Variants in DNAI7 observed in about 807,000 individuals in gnomAD.
DNAI7 encodes cancer susceptibility 1.
DNAI7 carries 78 observed loss-of-function variants against 86.6 expected under a neutral mutation model. That is an observed-to-expected ratio of 0.90 (90% confidence interval 0.75 to 1.09). The LOEUF (loss-of-function observed/expected upper bound fraction) is 1.09, where lower values mean the gene tolerates loss of function less well. Ranked by LOEUF, DNAI7 falls within the 50% of genes least tolerant of loss-of-function variation. DNAI7 has a pLI of 0.00. For synonymous variants in DNAI7, 274 were observed against 273.0 expected (o/e 1.00, Z -0.04); for missense variants, 753 against 810.2 (o/e 0.93, Z 0.86).
chr12:25,121,177 A>G (rs1941237865), intron 11 of DNAI7, among the ~76,000 whole-genome samples: 1 of 152,210 alleles, frequency 6.6e-6, no homozygotes, highest in Non-Finnish European at 1.5e-5. Flanking sequence ...CATTTCTAGC[A>G]AATTCCCAGA....
chr12:25,157,360 T>A (rs924570257), intron 4 of DNAI7, among the ~76,000 whole-genome samples: 3 of 152,064 alleles, frequency 2.0e-5, no homozygotes, highest in Non-Finnish European at 2.9e-5. Context: ...AAAATATTAC[T>A]TTTTTTCAAT....
chr12:25,128,701 G>T (rs112515483), intron 9 of DNAI7, among the ~76,000 whole-genome samples: 1,814 of 152,170 alleles, frequency 0.012, 34 homozygotes, highest in African/African-American at 0.042. Context: ...AACTCAGTAA[G>T]ATATATTTTA....
chr12:25,182,015 C>A (rs1398343962), intron 2 of DNAI7, among the ~76,000 whole-genome samples: 1 of 147,206 alleles, frequency 6.8e-6, no homozygotes, highest in Non-Finnish European at 1.5e-5. Context: ...TACTGGGTAT[C>A]TGCTGAAAAG....
intron 2 of DNAI7, among the ~76,000 whole-genome samples, chr12:25,171,247 A>T (rs1948097465): frequency 1.3e-5 from 2 of 152,226 alleles, no homozygotes; most frequent in South Asian, 4.1e-4. Context: ...CAAGAAAAGA[A>T]GATAGAAAAT....
chr12:25,147,186 G>A (rs1944963019), intron 7 of DNAI7, 82 bp from the exon 8 acceptor site: 1 of 719,348 alleles, frequency 1.4e-6, no homozygotes, highest in Middle Eastern at 2.4e-4. Context: ...TATCACTTAT[G>A]TGTTGGATTC....
chr12:25,157,360 T>C (rs924570257), intron 4 of DNAI7, among the ~76,000 whole-genome samples: 9 of 152,064 alleles, frequency 5.9e-5, no homozygotes. Context: ...AAAATATTAC[T>C]TTTTTTCAAT....
intron 14 of DNAI7, 68 bp downstream of exon 14, chr12:25,111,704 T>C (rs1199341119): frequency 2.2e-6 from 2 of 927,852 alleles, no homozygotes; most frequent in South Asian, 2.0e-5. Flanking sequence ...TATTAAATTA[T>C]ATAACATTTA....
rs990478744 is a variant in DNAI7 at position 25,173,827 on chromosome 12, T to G, written c.22-12630A>C. On this transcript the variant is annotated intron_variant, in intron 2 of 15. Coordinates refer to ENST00000395987, the MANE Select transcript of DNAI7 (RefSeq NM_018272.5). ...ACACATCATATATATACATCATATA[T>G]ATACCACATCATATATATATACATC... 2.1e-5 allele frequency among the ~76,000 whole-genome samples: 3 copies of G among 141,768 alleles called. No homozygotes were observed. The South Asian group carries it at 6.8e-4, about 32-fold the overall frequency. 93.0% of individuals were successfully genotyped at this position (141,768 alleles called of 152,430 possible).
At chr12:25,159,451 AAAGT>A (rs1277446292) in intron 3 of DNAI7, among the ~76,000 whole-genome samples, 3 of 152,114 alleles carry the variant, frequency 2.0e-5, no homozygotes, top group African/African-American at 7.2e-5. Context: ...AAAAAGAAAG[AAAGT>A]AACATGATTC....
At chr12:25,178,689 G>A (rs895043179) in intron 2 of DNAI7, among the ~76,000 whole-genome samples, 6 of 152,110 alleles carry the variant, frequency 3.9e-5, no homozygotes. Flanking sequence ...GGAGTGATAA[G>A]TGATATGGAA....
chr12:25,185,959 T>C (rs1364862857), intron 2 of DNAI7, among the ~76,000 whole-genome samples: 1 of 152,252 alleles, frequency 6.6e-6, no homozygotes. Flanking sequence ...GTTGTATTCC[T>C]AAACAGTAAT....
At chr12:25,160,288 C>T (rs1946691914) in intron 3 of DNAI7, among the ~76,000 whole-genome samples, 1 of 152,166 alleles carries the variant, frequency 6.6e-6, no homozygotes, top group Non-Finnish European at 1.5e-5. Flanking sequence ...GAACAATAAA[C>T]ATTTGTTGAA....
At chr12:25,111,506 A>C (rs971392734) in intron 14 of DNAI7, among the ~76,000 whole-genome samples, 1 of 152,196 alleles carries the variant, frequency 6.6e-6, no homozygotes, top group African/African-American at 2.4e-5. Context: ...AAGTATATAA[A>C]ATGAGAATTG....
At chr12:25,134,352 C>CTTTT (rs5797119) in intron 9 of DNAI7, among the ~76,000 whole-genome samples, 3,109 of 91,074 alleles carry the variant, frequency 0.034, 257 homozygotes, top group African/African-American at 0.039. Flanking sequence ...CCTTGGCGTA[C>CTTTT]TTTTTTTTTT....
chr12:25,145,198 T>A (rs1944675469), intron 8 of DNAI7, among the ~76,000 whole-genome samples: 1 of 152,134 alleles, frequency 6.6e-6, no homozygotes. Flanking sequence ...AATCTATGAC[T>A]CCCAAAAAGT....
At chr12:25,150,229 C>G (rs1945333652) in intron 6 of DNAI7, among the ~76,000 whole-genome samples, 1 of 152,078 alleles carries the variant, frequency 6.6e-6, no homozygotes, top group Non-Finnish European at 1.5e-5. Flanking sequence ...AGTATTTGAC[C>G]TCTGATTGGG....
intron 2 of DNAI7, among the ~76,000 whole-genome samples, chr12:25,169,777 G>C (rs1412805848): frequency 6.6e-6 from 1 of 151,564 alleles, no homozygotes; most frequent in Non-Finnish European, 1.5e-5. Flanking sequence ...GAAACCTAGA[G>C]GTGGAGGGTG....
chr12:25,145,130 C>A (rs4491339), intron 8 of DNAI7, among the ~76,000 whole-genome samples: 121,883 of 152,124 alleles, frequency 0.8, 49,158 homozygotes, highest in East Asian at 0.99. Context: ...GGACTTTAAG[C>A]GGTCTAAAAA....
intron 2 of DNAI7, among the ~76,000 whole-genome samples, chr12:25,163,882 CCTTTT>C (rs1181887009): frequency 7.9e-5 from 12 of 152,138 alleles, no homozygotes; most frequent in Admixed American, 7.8e-4. Flanking sequence ...AATTTCAGTT[CCTTTT>C]CTTTTCTAGT....
Sources: allele counts gnomAD v4.1 joint callset (sites outside exome capture counted in the v4.1 genomes callset), GRCh38; gene constraint gnomAD v4.1.1; transcripts MANE v1.5; gene names NCBI Gene and HGNC (gene_info 2026-07-23, HGNC 2026-07-21).